PLPP1: variants seen among roughly 807,000 people sequenced by gnomAD.
PLPP1 encodes phospholipid phosphatase 1, also known as lipid phosphate phosphohydrolase 1a.
In PLPP1, 24 loss-of-function variants were observed where a neutral mutation model predicts 31.2. The ratio of observed to expected loss-of-function variants is 0.77; its 90% confidence interval spans 0.56 to 1.08. PLPP1 has a LOEUF of 1.08. Ranked by LOEUF, PLPP1 falls within the 50% of genes least tolerant of loss-of-function variation. The pLI is 0.00. For synonymous variants in PLPP1, 146 were observed against 126.3 expected, an observed-to-expected ratio of 1.16 and a Z score of -1.05; for missense variants, 319 against 342.7, an observed-to-expected ratio of 0.93 and a Z score of 0.55.
intron 4 of PLPP1, among the ~76,000 whole-genome samples, chr5:55,434,677 G>C (rs1751450578): frequency 6.6e-6 from 1 of 152,294 alleles, no homozygotes; most frequent in South Asian, 2.1e-4. Flanking sequence ...ATACAATAGA[G>C]ACAGTCTCGT....
intron 1 of PLPP1, among the ~76,000 whole-genome samples, chr5:55,482,994 TC>T (rs1752701759): frequency 6.6e-6 from 1 of 152,090 alleles, no homozygotes; most frequent in Admixed American, 6.5e-5. Context: ...GTAAATAATC[TC>T]CCTCATCTTC....
intron 5 of PLPP1, 49 bp from the exon 6 acceptor site, chr5:55,425,383 A>G: frequency 2.0e-6 from 3 of 1,497,728 alleles, no homozygotes; most frequent in Non-Finnish European, 2.7e-6. Context: ...GTTAAAAACT[A>G]CATACAAAGT....
chr5:55,489,552 AAT>A (rs1752844091), intron 1 of PLPP1, among the ~76,000 whole-genome samples: 1 of 152,154 alleles, frequency 6.6e-6, no homozygotes, highest in Non-Finnish European at 1.5e-5. Context: ...GAATTATATG[AAT>A]ATATTAATAC....
intron 1 of PLPP1, among the ~76,000 whole-genome samples, chr5:55,527,164 A>C (rs974863551): frequency 1.3e-5 from 2 of 152,160 alleles, no homozygotes; most frequent in African/African-American, 4.8e-5. Flanking sequence ...ATCTTCCCAA[A>C]ATACTTGTTT....
chr5:55,484,291 C>G (rs1327310880), intron 1 of PLPP1: 2 of 152,142 alleles, frequency 1.3e-5, no homozygotes, highest in African/African-American at 4.8e-5. Flanking sequence ...TCCACTGATT[C>G]CCCTCACCCA....
chr5:55,469,446 C>G (rs969381533), intron 2 of PLPP1, among the ~76,000 whole-genome samples: 1 of 150,950 alleles, frequency 6.6e-6, no homozygotes, highest in African/African-American at 2.4e-5. Context: ...GCCGAGATGG[C>G]GCCACTGCAC....
intron 1 of PLPP1, among the ~76,000 whole-genome samples, chr5:55,518,172 T>C (rs1204363329): frequency 2.0e-5 from 3 of 152,132 alleles, no homozygotes; most frequent in East Asian, 3.8e-4. Flanking sequence ...GTGATTCCTA[T>C]GCACATTAAC....
At chr5:55,514,962 C>G (rs1183191817) in intron 1 of PLPP1, among the ~76,000 whole-genome samples, 2 of 152,240 alleles carry the variant, frequency 1.3e-5, no homozygotes, top group Non-Finnish European at 2.9e-5. Flanking sequence ...TGAGTGCCTA[C>G]TAAATACCTG....
At chr5:55,467,552 T>C (rs1015747530) in intron 3 of PLPP1, among the ~76,000 whole-genome samples, 11 of 84,322 alleles carry the variant, frequency 1.3e-4, no homozygotes, top group Non-Finnish European at 1.9e-4. Flanking sequence ...GTAAAAAAAA[T>C]TATATATATT....
At chr5:55,467,454 G>A (rs1874471) in intron 3 of PLPP1, among the ~76,000 whole-genome samples, 129,908 of 151,554 alleles carry the variant, frequency 0.86, 56,115 homozygotes, top group South Asian at 0.92. Context: ...GGGAGGCCAA[G>A]GTGGAAGGAT....
Position 55,425,100 on chromosome 5 carries a change from G to GTCTT in PLPP1, c.*102_*105dup. The GTCTT allele has an allele frequency of 7.1e-7, 1 of 1,406,304 alleles. No individual in the cohort carries two copies. Among genetic ancestry groups the GTCTT allele is most frequent in the Non-Finnish European group, 9.6e-7 (1 of 1,038,414 alleles). The allele number at this position is 1,406,304 out of a possible 1,614,324, so 87.1% of individuals were successfully genotyped here. ...TCCAAGAGGCATAGCAGCAGCAGAA[G>GTCTT]TCTTTAAAGGCTTGTACACCAGGAA... On this transcript the variant is annotated 3_prime_UTR_variant, in exon 6 of 6. Transcript: ENST00000307259.
intron 1 of PLPP1, among the ~76,000 whole-genome samples, chr5:55,522,126 C>T (rs923175867): frequency 2.6e-5 from 4 of 152,140 alleles, no homozygotes; most frequent in African/African-American, 9.7e-5. Context: ...GACTAAATCA[C>T]GAGATTCTAA....
At chr5:55,462,398 T>A (rs1752184859) in intron 3 of PLPP1, among the ~76,000 whole-genome samples, 1 of 152,246 alleles carries the variant, frequency 6.6e-6, no homozygotes, top group African/African-American at 2.4e-5. Context: ...AAAATGTTTT[T>A]TTTCGGTCAA....
At chr5:55,490,771 G>A (rs954799897) in intron 1 of PLPP1, among the ~76,000 whole-genome samples, 1 of 151,878 alleles carries the variant, frequency 6.6e-6, no homozygotes, top group Non-Finnish European at 1.5e-5. Flanking sequence ...AGTTGTTCTG[G>A]GTAACATCCA....
intron 4 of PLPP1, among the ~76,000 whole-genome samples, chr5:55,436,649 A>C (rs2111690656): frequency 6.6e-6 from 1 of 152,364 alleles, no homozygotes; most frequent in South Asian, 2.1e-4. Context: ...AAGTGCACAA[A>C]GAAGACCTGG....
At chr5:55,467,296 C>T (rs1752323205) in intron 3 of PLPP1, among the ~76,000 whole-genome samples, 1 of 152,168 alleles carries the variant, frequency 6.6e-6, no homozygotes, top group African/African-American at 2.4e-5. Flanking sequence ...AACATAGCCA[C>T]ATTATTCATT....
In PLPP1 at chr5:55,425,195, C is replaced by T; in HGVS notation, c.*11G>A. The T allele has an allele frequency of 6.2e-7, 1 of 1,610,906 alleles. No individual in the cohort carries two copies. The highest frequency in any genetic ancestry group is 8.5e-7 in the Non-Finnish European group (1 of 1,179,142). ...AAACAGGCCAGCTTCACCTGGGCAC[C>T]CTGCTGCCTTTCAAGGCTGGTGATT... On this transcript the variant is annotated 3_prime_UTR_variant, in exon 6 of 6. Transcript: ENST00000307259.
At chr5:55,457,652 AG>A (rs897003558) in intron 3 of PLPP1, among the ~76,000 whole-genome samples, 1 of 152,208 alleles carries the variant, frequency 6.6e-6, no homozygotes, top group Non-Finnish European at 1.5e-5. Flanking sequence ...GCACTCTGGG[AG>A]GCCAAGGTGG....
Position 55,530,393 on chromosome 5 carries a change from A to G in PLPP1, c.58+4179T>C, listed in dbSNP as rs182274747. 4.6e-6 allele frequency: 6 copies of G among 1,296,614 alleles called. No homozygotes were observed. The Admixed American group carries it at 6.7e-5, about 15-fold the overall frequency. The allele number at this position is 1,296,614 out of a possible 1,614,324, so 80.3% of individuals were successfully genotyped here. On this transcript the variant is annotated intron_variant, in intron 1 of 5. Transcript: ENST00000307259. ...AGTGATCCAGTAAACGCTCTCTGGT[A>G]AAATTTGATTCTTGACACAGGGGAC...
Sources: allele counts gnomAD v4.1 joint callset (sites outside exome capture counted in the v4.1 genomes callset), GRCh38; gene constraint gnomAD v4.1.1; transcripts MANE v1.5; gene names NCBI Gene and HGNC (gene_info 2026-07-23, HGNC 2026-07-21).